HECW2: variants seen among roughly 807,000 people sequenced by gnomAD.
HECW2 encodes HECT, C2 and WW domain containing E3 ubiquitin protein ligase 2, also known as E3 ubiquitin-protein ligase HECW2.
In HECW2, 61 loss-of-function variants were observed where a neutral mutation model predicts 175.2. The ratio of observed to expected loss-of-function variants is 0.35; its 90% CI spans 0.28 to 0.43. The LOEUF is 0.43. Ranked by LOEUF, HECW2 falls within the 20% of genes least tolerant of loss-of-function variation. The probability of loss-of-function intolerance (pLI) is 1.00; values close to 1 mark genes in which losing one functional copy is unlikely to be tolerated. For missense variants in HECW2, 1,524 were observed against 2,000.5 expected (o/e 0.76, Z 4.54); for synonymous variants, 671 against 731.0 (o/e 0.92, Z 1.32).
At chr2:196,411,727 A>C (rs1465132920) in intron 2 of HECW2, among the ~76,000 whole-genome samples, 2 of 152,212 alleles carry the variant, frequency 1.3e-5, no homozygotes, top group African/African-American at 2.4e-5. Flanking sequence ...ATTACATGGG[A>C]AGCCTGGATG....
rs763583382 is a variant in HECW2 at position 196,220,776 on chromosome 2, T to G, written c.4293+19A>C. 5 of 1,613,740 alleles carry G rather than the reference T, an allele frequency of 3.1e-6. No homozygotes were observed. The Admixed American group carries it at 6.7e-5, about 22-fold the overall frequency. ...TTGATATCAGACTGCAAACTCCTCC[T>G]ACTGCTGATTGTCTTTACCTCATAG... On this transcript the variant is annotated intron_variant, in intron 25 of 28. Transcript: ENST00000644978.
At chr2:196,378,065 CT>C (rs1473314119) in intron 2 of HECW2, among the ~76,000 whole-genome samples, 1 of 152,206 alleles carries the variant, frequency 6.6e-6, no homozygotes, top group Non-Finnish European at 1.5e-5. Flanking sequence ...TCACAACTGT[CT>C]CCTCTTTGGC....
In HECW2 at chr2:196,220,785, T is replaced by C. The variant is rs1004974216; in HGVS notation, c.4293+10A>G. ...GACTGCAAACTCCTCCTACTGCTGA[T>C]TGTCTTTACCTCATAGAAGCCACGC... On this transcript the variant is annotated intron_variant, in intron 25 of 28. Coordinates refer to ENST00000644978, the MANE Select transcript of HECW2 (RefSeq NM_001348768.2). The C allele has an allele frequency of 1.2e-5, 20 of 1,613,784 alleles. No individual in the cohort carries two copies. Among genetic ancestry groups the C allele is most frequent in the Non-Finnish European group, 1.5e-5 (18 of 1,179,882 alleles).
At chr2:196,354,476 C>A (rs1042096966) in intron 2 of HECW2, among the ~76,000 whole-genome samples, 1 of 152,234 alleles carries the variant, frequency 6.6e-6, no homozygotes, top group Admixed American at 6.5e-5. Context: ...CCAACCAAGG[C>A]CTGGTGGGCT....
chr2:196,235,867 C>A (rs1372457813), intron 21 of HECW2, among the ~76,000 whole-genome samples: 2 of 151,836 alleles, frequency 1.3e-5, no homozygotes, highest in Admixed American at 6.6e-5. Context: ...ACCGTGCTAG[C>A]CAGGATGGTC....
intron 22 of HECW2, among the ~76,000 whole-genome samples, chr2:196,226,179 G>C (rs1687843352): frequency 6.6e-6 from 1 of 152,022 alleles, no homozygotes; most frequent in Non-Finnish European, 1.5e-5. Context: ...TCATGATAGT[G>C]AGTTCTCATG....
intron 2 of HECW2, 88 bp from the exon 3 acceptor site, chr2:196,343,852 A>G: frequency 1.2e-6 from 1 of 847,520 alleles, no homozygotes; most frequent in East Asian, 2.5e-5. Context: ...AAATAAATGG[A>G]AAAAAGATAA....
intron 1 of HECW2, among the ~76,000 whole-genome samples, chr2:196,521,392 T>G (rs950894033): frequency 6.6e-6 from 1 of 151,834 alleles, no homozygotes; most frequent in Non-Finnish European, 1.5e-5. Flanking sequence ...ATAAAAAATT[T>G]GCTTCCCAAT....
chr2:196,455,018 C>T (rs1459488486), intron 1 of HECW2, among the ~76,000 whole-genome samples: 1 of 151,864 alleles, frequency 6.6e-6, no homozygotes, highest in East Asian at 1.9e-4. Context: ...CTGGGATTGA[C>T]CACAGACCCT....
At chr2:196,492,782 T>A (rs1687247142) in intron 1 of HECW2, among the ~76,000 whole-genome samples, 1 of 152,234 alleles carries the variant, frequency 6.6e-6, no homozygotes, top group African/African-American at 2.4e-5. Flanking sequence ...CTTCATCAGC[T>A]TGAATTTTGC....
At chr2:196,423,663 T>C (rs1431668268) in intron 2 of HECW2, among the ~76,000 whole-genome samples, 1 of 143,066 alleles carries the variant, frequency 7.0e-6, no homozygotes, top group East Asian at 2.0e-4. Flanking sequence ...CCTTCTTTTT[T>C]AATGAATGTA....
chr2:196,222,252 G>C lies in HECW2; in HGVS notation c.4105C>G (p.Leu1369Val). The C allele has an allele frequency of 6.2e-7, 1 of 1,613,796 alleles. No individual in the cohort carries two copies. Among genetic ancestry groups the C allele is most frequent in the Non-Finnish European group, 8.5e-7 (1 of 1,179,838 alleles). Reference protein sequence around the residue: ...WMKDNDIHDILDLTFTVNEEV... With the variant: ...WMKDNDIHDIVDLTFTVNEEV... Reference sequence around the variant, plus strand: ...TCGTTCACAGTGAACGTGAGGTCTAGGATGTCATGGATATCATTGTCTTTC... The same window carrying C: ...TCGTTCACAGTGAACGTGAGGTCTACGATGTCATGGATATCATTGTCTTTC... Residue 1369 changes from leucine to valine, a missense_variant, in exon 24 of 29, where the codon CTA becomes GTA. By Grantham distance (32) the Leu-to-Val change is conservative. This residue lies in a region of HECW2 where 134 missense variants were observed against 287.8 expected (regional missense o/e 0.47). Transcript: ENST00000644978.
chr2:196,266,936 T>C (rs1408903317), intron 17 of HECW2, among the ~76,000 whole-genome samples: 1 of 152,192 alleles, frequency 6.6e-6, no homozygotes, highest in Admixed American at 6.5e-5. Context: ...CTGAGACACA[T>C]ATCCATTTGC....
At chr2:196,571,498 C>A (rs1328116479) in intron 1 of HECW2, among the ~76,000 whole-genome samples, 2 of 152,090 alleles carry the variant, frequency 1.3e-5, no homozygotes, top group African/African-American at 4.8e-5. Flanking sequence ...CACTTGAGGT[C>A]AGGAGTTTGA....
chr2:196,368,515 T>A (rs1382777134), intron 2 of HECW2, among the ~76,000 whole-genome samples: 3 of 152,198 alleles, frequency 2.0e-5, no homozygotes, highest in Non-Finnish European at 4.4e-5. Context: ...AATATTGATA[T>A]CTTTCTCTAG....
At chr2:196,460,776 A>ATTTTTTT (rs201916150) in intron 1 of HECW2, among the ~76,000 whole-genome samples, 1 of 116,088 alleles carries the variant, frequency 8.6e-6, no homozygotes, top group Non-Finnish European at 1.8e-5. Flanking sequence ...ACACCTGGCA[A>ATTTTTTT]TTTTTTTTTT....
intron 1 of HECW2, among the ~76,000 whole-genome samples, chr2:196,460,645 T>C (rs1696706140): frequency 6.6e-6 from 1 of 152,148 alleles, no homozygotes; most frequent in South Asian, 2.1e-4. Flanking sequence ...GGTCTTGGTC[T>C]GTCACCCAGG....
chr2:196,414,799 C>T (rs911167846), intron 2 of HECW2, among the ~76,000 whole-genome samples: 1 of 152,164 alleles, frequency 6.6e-6, no homozygotes, highest in Non-Finnish European at 1.5e-5. Flanking sequence ...GTTCTTGCCC[C>T]AACAACTCAA....
At chr2:196,498,785 G>A (rs765148985) in intron 1 of HECW2, among the ~76,000 whole-genome samples, 9 of 152,088 alleles carry the variant, frequency 5.9e-5, no homozygotes, top group Non-Finnish European at 1.3e-4. Flanking sequence ...TTACTAACAG[G>A]AGTCACATGG....
Sources: allele counts gnomAD v4.1 joint callset (sites outside exome capture counted in the v4.1 genomes callset), GRCh38; gene constraint gnomAD v4.1.1; regional missense constraint gnomAD v4.1.1; transcripts MANE v1.5; gene names NCBI Gene and HGNC (gene_info 2026-07-23, HGNC 2026-07-21).